SLC15A1: variants seen among roughly 807,000 people sequenced by gnomAD.
SLC15A1 encodes Caco-2 oligopeptide transporter.
SLC15A1 carries 83 observed loss-of-function variants against 92.9 expected under a neutral mutation model. The observed-to-expected ratio is 0.89, with a 90% CI of 0.75 to 1.07. The LOEUF (loss-of-function observed/expected upper bound fraction) is 1.07, where lower values mean the gene tolerates loss of function less well. Among genes scored for constraint, SLC15A1 ranks in the 50% least tolerant of loss-of-function variants. The pLI is 0.00. For synonymous variants in SLC15A1, 322 were observed against 318.2 expected, an observed-to-expected ratio of 1.01 and a Z score of -0.13; for missense variants, 857 against 880.1, an observed-to-expected ratio of 0.97 and a Z score of 0.33.
Position 98,752,630 on chromosome 13 carries a change from C to T in SLC15A1, c.-32G>A, listed in dbSNP as rs1032771009. 1.6e-6 allele frequency: 2 copies of T among 1,251,634 alleles called. No individual in the cohort carries two copies. Among genetic ancestry groups the T allele is most frequent in the African/African-American group, 1.6e-5 (1 of 64,400 alleles). The allele number at this position is 1,251,634 out of a possible 1,614,324, so 77.5% of individuals were successfully genotyped here. The stretch of plus-strand genomic sequence containing the variant: ...GGCTCCCAGGGCTCCTGCGACCTGC[C>T]GGCGGGACGTGCTCCTGGCAGGTGC... On this transcript the variant is annotated 5_prime_UTR_variant, in exon 1 of 23. Coordinates refer to ENST00000376503, the MANE Select transcript of SLC15A1 (RefSeq NM_005073.4).
intron 9 of SLC15A1, 133 bp downstream of exon 9, chr13:98,715,745 A>G (rs1210312740): frequency 1.8e-5 from 12 of 683,944 alleles, no homozygotes; most frequent in Non-Finnish European, 2.7e-5. Context: ...AGAAGAAGCT[A>G]CAATTTACTG....
At chr13:98,690,537 G>A (rs1055735874) in intron 18 of SLC15A1, among the ~76,000 whole-genome samples, 5 of 152,220 alleles carry the variant, frequency 3.3e-5, no homozygotes, top group African/African-American at 1.2e-4. Flanking sequence ...ATCAGACTCT[G>A]AATGAAACCA....
At chr13:98,726,817 T>G (rs780118529) in intron 2 of SLC15A1, 26 bp downstream of exon 2, 48 of 1,607,652 alleles carry the variant, frequency 3.0e-5, no homozygotes, top group Non-Finnish European at 4.1e-5. Context: ...GATGAAGATA[T>G]GTAGAGAAGG....
intron 17 of SLC15A1, 92 bp from the exon 18 acceptor site, chr13:98,702,621 AT>A: frequency 1.9e-6 from 2 of 1,045,144 alleles, no homozygotes; most frequent in Non-Finnish European, 3.0e-6. Flanking sequence ...AGAAGGTGGT[AT>A]TGACACTTAT....
At position 98,688,298 on chromosome 13, in the gene SLC15A1, T is replaced by C. The variant is rs745802870; in HGVS notation, c.1633A>G (p.Thr545Ala). ...GCACTACCAAATTCAAGGTAGAAAG[T>C]ATTGAAATTAGGTTGACATTGTGGC... ...IPPQCQPNFN[T>A]FYLEFGSAYT... Residue 545 changes from threonine (T) to alanine (A), a missense_variant, in exon 20 of 23, where the codon ACT (threonine) becomes GCT (alanine). Coordinates refer to ENST00000376503, the MANE Select transcript of SLC15A1 (RefSeq NM_005073.4). 16 of 1,614,106 alleles carry C rather than the reference T, an allele frequency of 9.9e-6. No homozygotes were observed. Among genetic ancestry groups the C allele is most frequent in the Non-Finnish European group, 1.1e-5 (13 of 1,179,970 alleles).
chr13:98,715,333 C>A (rs1452464864), intron 9 of SLC15A1, among the ~76,000 whole-genome samples: 1 of 152,176 alleles, frequency 6.6e-6, no homozygotes, highest in Non-Finnish European at 1.5e-5. Context: ...CGCCACCATG[C>A]CTGGCTAATT....
chr13:98,699,553 A>G (rs2088051184), intron 18 of SLC15A1, among the ~76,000 whole-genome samples: 1 of 152,218 alleles, frequency 6.6e-6, no homozygotes, highest in Non-Finnish European at 1.5e-5. Flanking sequence ...ATCTTCAGTG[A>G]TTATAACCAG....
intron 18 of SLC15A1, among the ~76,000 whole-genome samples, chr13:98,698,936 T>C (rs1483543361): frequency 6.6e-6 from 1 of 152,172 alleles, no homozygotes; most frequent in African/African-American, 2.4e-5. Flanking sequence ...ACAGGATACC[T>C]ACTCTCATTC....
At chr13:98,685,486 A>T (rs2087922287) in intron 22 of SLC15A1, among the ~76,000 whole-genome samples, 1 of 152,126 alleles carries the variant, frequency 6.6e-6, no homozygotes, top group Admixed American at 6.6e-5. Context: ...TTTAGCTGGA[A>T]AATTTATAAC....
chr13:98,705,202 GAAAAAAA>G (rs33982897), intron 16 of SLC15A1, among the ~76,000 whole-genome samples: 13 of 127,112 alleles, frequency 1.0e-4, no homozygotes, highest in Non-Finnish European at 8.0e-5. Context: ...CTGTATTTAA[GAAAAAAA>G]AAAAAAAAAA....
chr13:98,699,061 C>T (rs1327777589), intron 18 of SLC15A1, among the ~76,000 whole-genome samples: 2 of 152,226 alleles, frequency 1.3e-5, no homozygotes, highest in East Asian at 1.9e-4. Flanking sequence ...GATCAGAATA[C>T]GTAGACCCCA....
At chr13:98,750,775 G>T (rs1234832789) in intron 1 of SLC15A1, among the ~76,000 whole-genome samples, 2 of 149,090 alleles carry the variant, frequency 1.3e-5, no homozygotes, top group Non-Finnish European at 3.0e-5. Flanking sequence ...TTTTTGAGAC[G>T]GAGTCTTACT....
At position 98,692,056 on chromosome 13, in the gene SLC15A1, A is replaced by G. The variant is rs552351525; in HGVS notation, c.1467-3479T>C. Among the ~76,000 whole-genome samples, 514 of 150,830 alleles carry G rather than the reference A, an allele frequency of 3.4e-3. 5 individuals are homozygous for G. Among genetic ancestry groups the G allele is most frequent in the African/African-American group, 0.012 (489 of 41,292 alleles). On this transcript the variant is annotated intron_variant, in intron 18 of 22. Coordinates refer to ENST00000376503, the MANE Select transcript of SLC15A1 (RefSeq NM_005073.4). Reference sequence around the variant, plus strand: ...CCATTGTACTCCAGCCTAGGCAACAAGAGCGAAACTCCATCTCAAAAAGAA... The same window carrying G: ...CCATTGTACTCCAGCCTAGGCAACAGGAGCGAAACTCCATCTCAAAAAGAA...
chr13:98,685,002 C>T (rs2087919482), intron 22 of SLC15A1, 87 bp from the exon 23 acceptor site: 2 of 1,181,198 alleles, frequency 1.7e-6, no homozygotes, highest in Non-Finnish European at 2.4e-6. Context: ...CATGTTCTTG[C>T]TACATGCAGA....
At chr13:98,748,156 A>G (rs1232042389) in intron 1 of SLC15A1, among the ~76,000 whole-genome samples, 6 of 152,192 alleles carry the variant, frequency 3.9e-5, no homozygotes, top group African/African-American at 1.4e-4. Context: ...TAATTTCTTC[A>G]GGCAGGATTA....
chr13:98,728,360 AT>A (rs1201389796), intron 1 of SLC15A1, among the ~76,000 whole-genome samples: 1 of 151,830 alleles, frequency 6.6e-6, no homozygotes, highest in Non-Finnish European at 1.5e-5. Context: ...GAATTTTAGG[AT>A]TTTTTTCTAT....
At chr13:98,708,576 G>A (rs1401367826) in intron 15 of SLC15A1, 110 bp downstream of exon 15, 4 of 889,598 alleles carry the variant, frequency 4.5e-6, no homozygotes, top group Non-Finnish European at 6.6e-6. Context: ...TCAGTTTACA[G>A]AGAAAGACCT....
chr13:98,701,873 C>A (rs1396323322), intron 18 of SLC15A1, among the ~76,000 whole-genome samples: 1 of 151,894 alleles, frequency 6.6e-6, no homozygotes, highest in Non-Finnish European at 1.5e-5. Context: ...CAGGGTTTCA[C>A]CATGTTGTCC....
At chr13:98,720,035 T>G (rs546002541) in intron 7 of SLC15A1, among the ~76,000 whole-genome samples, 1 of 152,186 alleles carries the variant, frequency 6.6e-6, no homozygotes, top group Non-Finnish European at 1.5e-5. Flanking sequence ...GGAAATCCTT[T>G]CTATGGAATG....
Sources: allele counts gnomAD v4.1 joint callset (sites outside exome capture counted in the v4.1 genomes callset), GRCh38; gene constraint gnomAD v4.1.1; transcripts MANE v1.5; gene names NCBI Gene and HGNC (gene_info 2026-07-23, HGNC 2026-07-21).